Variants in ECRG4 observed in about 807,000 individuals in gnomAD.
ECRG4 encodes ECRG4 augurin precursor.
In ECRG4, 18 loss-of-function variants were observed where a neutral mutation model predicts 15.8. That is an observed-to-expected ratio of 1.14 (90% CI 0.79 to 1.69). ECRG4 has a LOEUF of 1.69. Ranked by LOEUF, ECRG4 falls within the 40% of genes most tolerant of loss-of-function variation. The pLI, the probability that ECRG4 is intolerant of heterozygous loss-of-function variation, is 0.00. For synonymous variants in ECRG4, 82 were observed against 73.9 expected (o/e 1.11, Z -0.56); for missense variants, 200 against 190.9 (o/e 1.05, Z -0.28).
At chr2:106,069,966 G>A (rs577098864) in intron 1 of ECRG4, among the ~76,000 whole-genome samples, 23 of 152,268 alleles carry the variant, frequency 1.5e-4, no homozygotes, top group African/African-American at 5.5e-4. Context: ...CTCTCCCACA[G>A]GCTGCTATGC....
At chr2:106,066,365 C>T (rs1179615544) in intron 1 of ECRG4, among the ~76,000 whole-genome samples, 2 of 152,222 alleles carry the variant, frequency 1.3e-5, no homozygotes, top group African/African-American at 4.8e-5. Context: ...CTTAATCTTT[C>T]CTGCTTCGTG....
intron 2 of ECRG4, among the ~76,000 whole-genome samples, chr2:106,073,466 C>G (rs369617529): frequency 7.2e-5 from 11 of 152,158 alleles, no homozygotes; most frequent in African/African-American, 2.4e-4. Context: ...CAAGCACAAC[C>G]CTCTTGTGTT....
intron 3 of ECRG4, among the ~76,000 whole-genome samples, chr2:106,075,647 G>A (rs1006155647): frequency 8.5e-5 from 13 of 152,126 alleles, no homozygotes; most frequent in African/African-American, 1.7e-4. Flanking sequence ...CTTCGAACCC[G>A]GGAGGCGGAG....
At chr2:106,067,437 G>A (rs551494092) in intron 1 of ECRG4, among the ~76,000 whole-genome samples, 23 of 151,894 alleles carry the variant, frequency 1.5e-4, no homozygotes, top group Non-Finnish European at 2.2e-4. Context: ...TATCATCACC[G>A]AGCTGGGATG....
upstream of ECRG4, among the ~76,000 whole-genome samples, chr2:106,065,144 C>T (rs755651): frequency 0.02 from 3,080 of 152,164 alleles, 92 homozygotes; most frequent in African/African-American, 0.065. Flanking sequence ...AAAACAGCCC[C>T]GCCTAAGGCA....
intron 2 of ECRG4, 78 bp from the exon 3 acceptor site, chr2:106,073,808 A>T: frequency 6.5e-7 from 1 of 1,540,646 alleles, no homozygotes; most frequent in Non-Finnish European, 8.9e-7. Context: ...GGGGGATGGG[A>T]TGTATAACAG....
At chr2:106,065,901 C>A in intron 1 of ECRG4, 58 bp downstream of exon 1, 1 of 1,397,616 alleles carries the variant, frequency 7.2e-7, no homozygotes, top group Non-Finnish European at 9.4e-7. Flanking sequence ...CCCCATGTGG[C>A]GCTTCCATGG....
intron 3 of ECRG4, among the ~76,000 whole-genome samples, chr2:106,076,391 ATGT>A (rs1332635881): frequency 1.3e-5 from 2 of 151,750 alleles, no homozygotes; most frequent in South Asian, 2.1e-4. Context: ...ATGGCCAAAA[ATGT>A]TGTATTATGG....
rs1428276306 is a variant in ECRG4, at chr2:106,065,732, C to A, written c.-33C>A. The A allele has an allele frequency of 7.6e-6, 11 of 1,452,250 alleles. No homozygotes were observed. Among genetic ancestry groups the A allele is most frequent in the Non-Finnish European group, 1.0e-5 (11 of 1,103,270 alleles). 90.0% of individuals were successfully genotyped at this position (1,452,250 alleles called of 1,614,324 possible). Reference sequence around the variant, plus strand: ...TTCTCCCTCGCAGCACCTCGAAGTGCGCCCCTCGCCCTCCTGCTCGCGCCC... The same window carrying A: ...TTCTCCCTCGCAGCACCTCGAAGTGAGCCCCTCGCCCTCCTGCTCGCGCCC... On this transcript the variant is annotated 5_prime_UTR_variant, in exon 1 of 4. Transcript: ENST00000238044.
In ECRG4 at chr2:106,074,024, A is replaced by C; in HGVS notation, c.266A>C (p.Tyr89Ser). 6.2e-7 allele frequency: 1 copy of C among 1,613,350 alleles called. No homozygotes were observed. The highest frequency in any genetic ancestry group is 8.5e-7 in the Non-Finnish European group (1 of 1,180,006). ...EVQQWYQQFLYMGFDEAKFED... is the reference protein window; with the variant it reads ...EVQQWYQQFLSMGFDEAKFED... ...CAGCAGTGGTACCAGCAGTTTCTCT[A>C]CATGGGCTTTGACGAAGCGGTAGGT... is the stretch of plus-strand genomic sequence containing the variant. Residue 89 changes from tyrosine to serine, a missense_variant, in exon 3 of 4, where the codon TAC becomes TCC. By Grantham distance (144) the Tyr-to-Ser change is moderately radical. Transcript: ENST00000238044.
At chr2:106,073,442 A>G (rs1368528710) in intron 2 of ECRG4, among the ~76,000 whole-genome samples, 3 of 152,112 alleles carry the variant, frequency 2.0e-5, no homozygotes, top group Non-Finnish European at 4.4e-5. Context: ...TTTTTCTTAC[A>G]TAATCTCCTG....
In ECRG4 at chr2:106,067,065, G is replaced by GAGT. The variant is rs906094015; in HGVS notation, c.79+1222_79+1223insAGT. The stretch of plus-strand genomic sequence containing the variant: ...TCCCAGCACTTTGGGAGGCCGGGGG[G>GAGT]GGGGGGGGGGCAGATCACCTGAGGT... On this transcript the variant is annotated intron_variant, in intron 1 of 3. Transcript: ENST00000238044. 5.5e-5 allele frequency among the ~76,000 whole-genome samples: 5 copies of GAGT among 91,736 alleles called. No individual in the cohort carries two copies. In the East Asian group the frequency reaches 1.8e-3, roughly 33 times the overall value. 60.2% of individuals were successfully genotyped at this position (91,736 alleles called of 152,430 possible). A position where few individuals can be genotyped will look rare whatever the true frequency, so the allele number is the denominator to read the frequency against.
At chr2:106,071,322 T>TAGAAAAAAAAAAAA (rs1676362541) in intron 1 of ECRG4, among the ~76,000 whole-genome samples, 1 of 78,332 alleles carries the variant, frequency 1.3e-5, no homozygotes, top group African/African-American at 5.9e-5. Flanking sequence ...GGTAAGGCTG[T>TAGAAAAAAAAAAAA]AAAAAAAAAA....
At chr2:106,074,136 G>C (rs1366088653) in intron 3 of ECRG4, 93 bp downstream of exon 3, 2 of 1,476,598 alleles carry the variant, frequency 1.4e-6, no homozygotes, top group Non-Finnish European at 1.9e-6. Flanking sequence ...AGAAAATTCA[G>C]CTTTGCTGTT....
chr2:106,070,420 T>C (rs1238947906), intron 1 of ECRG4, among the ~76,000 whole-genome samples: 1 of 152,116 alleles, frequency 6.6e-6, no homozygotes, highest in Non-Finnish European at 1.5e-5. Flanking sequence ...AGGAGGCTAG[T>C]AGGTTAGGTG....
At chr2:106,069,007 C>T (rs894011908) in intron 1 of ECRG4, among the ~76,000 whole-genome samples, 4 of 152,202 alleles carry the variant, frequency 2.6e-5, no homozygotes, top group Non-Finnish European at 4.4e-5. Context: ...TCTATCTGGG[C>T]GTTAGAAACC....
In ECRG4 at chr2:106,074,040, A is replaced by T; in HGVS notation, c.282A>T (p.Glu94Asp). The T allele has an allele frequency of 6.2e-7, 1 of 1,612,310 alleles. No homozygotes were observed. Among genetic ancestry groups the T allele is most frequent in the Non-Finnish European group, 8.5e-7 (1 of 1,179,604 alleles). Residue 94 changes from glutamate to aspartate, a missense_variant, in exon 3 of 4, where the codon GAA (glutamate) becomes GAT (aspartate). Transcript: ENST00000238044. ...YQQFLYMGFD[E>D]AKFEDDITYW... Reference sequence around the variant, plus strand: ...AGTTTCTCTACATGGGCTTTGACGAAGCGGTAGGTGTTGCCTCCGGCTGCA... The same window carrying T: ...AGTTTCTCTACATGGGCTTTGACGATGCGGTAGGTGTTGCCTCCGGCTGCA...
chr2:106,066,055 G>GTA (rs1021595601), intron 1 of ECRG4, among the ~76,000 whole-genome samples: 9 of 152,244 alleles, frequency 5.9e-5, no homozygotes, highest in African/African-American at 2.2e-4. Flanking sequence ...GGTGGAGAGA[G>GTA]TACCGGGGTC....
intron 1 of ECRG4, 53 bp downstream of exon 1, chr2:106,065,896 T>C: frequency 7.1e-7 from 1 of 1,417,146 alleles, no homozygotes; most frequent in Non-Finnish European, 9.2e-7. Context: ...GTTGGCCCCA[T>C]GTGGCGCTTC....
Sources: gnomAD v4.1 joint callset for allele counts (sites outside exome capture counted in the v4.1 genomes callset) on GRCh38, gnomAD v4.1.1 for gene constraint, MANE v1.5 for transcripts, NCBI Gene and HGNC (gene_info 2026-07-23, HGNC 2026-07-21) for gene names.